TEP1: variants seen among roughly 807,000 people sequenced by gnomAD.
TEP1 encodes telomerase associated protein 1, also known as telomerase protein component 1.
In TEP1, 241 loss-of-function variants were observed where a neutral mutation model predicts 306.3. That is an observed-to-expected ratio of 0.79 (90% CI 0.71 to 0.88). The LOEUF is 0.88. Ranked by LOEUF, TEP1 falls within the 40% of genes least tolerant of loss-of-function variation. The pLI is 0.00. For missense variants in TEP1, 3,051 were observed against 3,276.1 expected, an observed-to-expected ratio of 0.93 and a Z score of 1.68; for synonymous variants, 1,289 against 1,305.5, an observed-to-expected ratio of 0.99 and a Z score of 0.27.
At chr14:20,401,705 T>C (rs1878772375) in intron 7 of TEP1, 124 bp from the exon 8 acceptor site, 1 of 1,427,730 alleles carries the variant, frequency 7.0e-7, no homozygotes, top group East Asian at 2.3e-5. Context: ...CAAAATAGAT[T>C]TGGCCAAGGA....
At chr14:20,409,824 T>C (rs532816091) in intron 1 of TEP1, among the ~76,000 whole-genome samples, 8 of 151,770 alleles carry the variant, frequency 5.3e-5, no homozygotes, top group South Asian at 2.1e-4. Context: ...ATCGAGACCA[T>C]CCTGGCTAAC....
At chr14:20,399,330 G>C (rs938892) in intron 9 of TEP1, among the ~76,000 whole-genome samples, 2 of 151,848 alleles carry the variant, frequency 1.3e-5, no homozygotes, top group African/African-American at 4.8e-5. Flanking sequence ...ATCATTTTCG[G>C]TAAGAAATTA....
rs77515776 is a variant in TEP1 at position 20,390,543 on chromosome 14, G to A, written c.2334+138C>T. Reference sequence around the variant, plus strand: ...ATATTCAGCAGCACACCACTGGGTAGGGGGTTGTAGCCAGTAGAGCTGATC... The same window carrying A: ...ATATTCAGCAGCACACCACTGGGTAAGGGGTTGTAGCCAGTAGAGCTGATC... On this transcript the variant is annotated intron_variant, in intron 15 of 54. Coordinates refer to ENST00000262715, the MANE Select transcript of TEP1 (RefSeq NM_007110.5). The A allele has an allele frequency of 9.9e-4, 761 of 770,622 alleles. 4 individuals are homozygous for A. The African/African-American group carries it at 0.011, about 11-fold the overall frequency. The allele number at this position is 770,622 out of a possible 1,614,324, so 47.7% of individuals were successfully genotyped here. A position where few individuals can be genotyped will look rare whatever the true frequency, so the allele number is the denominator to read the frequency against.
chr14:20,408,909 C>A (rs972647862), intron 1 of TEP1, among the ~76,000 whole-genome samples: 2 of 151,524 alleles, frequency 1.3e-5, no homozygotes, highest in Non-Finnish European at 1.5e-5. Context: ...GGAGACCCAA[C>A]CCCCCTGACC....
At chr14:20,386,739 A>T in intron 18 of TEP1, 116 bp from the exon 19 acceptor site, 1 of 1,198,300 alleles carries the variant, frequency 8.3e-7, no homozygotes, top group East Asian at 3.0e-5. Flanking sequence ...CAGACAGCAG[A>T]TGGGTGCCCA....
In TEP1 at chr14:20,383,914, G is replaced by A. The variant is rs1876851587; in HGVS notation, c.3539C>T (p.Ser1180Phe). 6.3e-7 allele frequency: 1 copy of A among 1,599,408 alleles called. No homozygotes were observed. Among genetic ancestry groups the A allele is most frequent in the Non-Finnish European group, 8.5e-7 (1 of 1,178,436 alleles). Reference sequence around the variant, plus strand: ...AGGAGCCTGCAGGGCTGACACAAGAGATGCCTGCATGGGACAGGAACAGAA... The same window carrying A: ...AGGAGCCTGCAGGGCTGACACAAGAAATGCCTGCATGGGACAGGAACAGAA... ...SGQGKTAFLA[S>F]LVSALQAPDG... The change falls in exon 25 of 55, where the codon TCT becomes TTT. Residue 1180 changes from serine (S) to phenylalanine (F), a missense_variant. By Grantham distance (155) the Ser-to-Phe change is radical. Around this residue, in one of 3 missense-constraint regions of TEP1, gnomAD observed 1,507 missense variants for 1,550.5 expected, o/e 0.97. Transcript: ENST00000262715.
chr14:20,373,062 T>C lies in TEP1; in HGVS notation c.6900A>G (p.Gln2300=), dbSNP rs776756458. The C allele has an allele frequency of 6.2e-7, 1 of 1,614,200 alleles. No individual in the cohort carries two copies. The highest frequency in any genetic ancestry group is 1.1e-5 in the South Asian group (1 of 91,086). The change falls in exon 48 of 55, where the codon CAA becomes CAG. Residue 2300 remains glutamine (Q), a synonymous_variant. Coordinates refer to ENST00000262715, the MANE Select transcript of TEP1 (RefSeq NM_007110.5). The part of the protein sequence containing the change: ...PDGSMAVSGN[Q]AGELILWQEA... ...CCTGCCACAAGATTAGTTCCCCAGC[T>C]TGATTTCCAGATACTGCCATGGAAC...
Position 20,381,628 on chromosome 14 carries a change from G to T in TEP1, c.4483C>A (p.Pro1495Thr), listed in dbSNP as rs755939283. ...PGARLCLPDGPLRTAAKRCYG... is the reference protein window; with the variant it reads ...PGARLCLPDGTLRTAAKRCYG... ...CAACGTTTAGCTGCTGTTCTCAGGG[G>T]CCCATCAGGGAGGCACAGCCGGGCA... The change falls in exon 31 of 55, where the codon CCC (proline) becomes ACC (threonine). Residue 1495 changes from proline (P) to threonine (T), a missense_variant. Physicochemically the swap from Pro to Thr is conservative, Grantham distance 38 (BLOSUM62 -1). This residue lies in a region of TEP1 where 1,540 missense variants were observed against 1,705.9 expected (regional missense o/e 0.90). Coordinates refer to ENST00000262715, the MANE Select transcript of TEP1 (RefSeq NM_007110.5). The surrounding 1 kb of genome is among the most constrained non-coding windows in gnomAD (Gnocchi z 4.0). 6.2e-7 allele frequency: 1 copy of T among 1,613,926 alleles called. No individual in the cohort carries two copies. The highest frequency in any genetic ancestry group is 8.5e-7 in the Non-Finnish European group (1 of 1,179,974).
chr14:20,405,909 G>A (rs1387300105), intron 3 of TEP1, among the ~76,000 whole-genome samples: 1 of 151,708 alleles, frequency 6.6e-6, no homozygotes, highest in Non-Finnish European at 1.5e-5. Flanking sequence ...AGCTACTCAG[G>A]AGGCTGAGGC....
At chr14:20,412,353 C>CTT (rs1879735319) in intron 1 of TEP1, among the ~76,000 whole-genome samples, 2 of 152,092 alleles carry the variant, frequency 1.3e-5, no homozygotes, top group African/African-American at 4.8e-5. Context: ...CTGTCCTATC[C>CTT]TTAAAAGGAC....
chr14:20,407,665 T>C (rs933838560), intron 2 of TEP1, among the ~76,000 whole-genome samples: 15 of 152,192 alleles, frequency 9.9e-5, no homozygotes, highest in African/African-American at 2.7e-4. Flanking sequence ...TTTTGATCTA[T>C]TGCACAATAT....
chr14:20,412,352 C>G (rs757688772), intron 1 of TEP1, among the ~76,000 whole-genome samples: 1 of 152,032 alleles, frequency 6.6e-6, no homozygotes, highest in African/African-American at 2.4e-5. Flanking sequence ...ACTGTCCTAT[C>G]CTTAAAAGGA....
intron 9 of TEP1, among the ~76,000 whole-genome samples, chr14:20,398,506 TAAA>T (rs35081660): frequency 1.1e-4 from 16 of 144,730 alleles, no homozygotes; most frequent in African/African-American, 4.0e-4. Context: ...AAACCAAAAT[TAAA>T]AAAAAAAAAG....
At chr14:20,380,830 C>T in intron 33 of TEP1, 101 bp downstream of exon 33, 2 of 1,000,986 alleles carry the variant, frequency 2.0e-6, no homozygotes, top group East Asian at 2.4e-5. Context: ...ATCTTTTTTC[C>T]CTGACACCCA....
At chr14:20,389,500 G>T in intron 16 of TEP1, 110 bp downstream of exon 16, 1 of 1,536,554 alleles carries the variant, frequency 6.5e-7, no homozygotes, top group East Asian at 2.3e-5. Flanking sequence ...TAAGAAGGCA[G>T]AGTTGGGGAG....
chr14:20,396,630 G>T lies in TEP1; in HGVS notation c.1650C>A (p.Leu550=). 1 of 1,607,944 alleles carries T rather than the reference G, an allele frequency of 6.2e-7. No individual in the cohort carries two copies. Among genetic ancestry groups the T allele is most frequent in the Non-Finnish European group, 8.5e-7 (1 of 1,174,894 alleles). ...AGCCCCTCACACATACCGCATGCTGGAGTCTCTGGAGAATGAGCTCATGGT... is the reference window on the plus strand; with the variant it reads ...AGCCCCTCACACATACCGCATGCTGTAGTCTCTGGAGAATGAGCTCATGGT... ...SRHHELILQR[L]QHAKSVIHSR... is the part of the protein sequence containing the mutation. The change falls in exon 10 of 55, where the codon CTC becomes CTA. Residue 550 remains leucine, a synonymous_variant. Transcript: ENST00000262715.
At chr14:20,368,935 G>A in intron 53 of TEP1, 33 bp from the exon 54 acceptor site, 1 of 1,537,296 alleles carries the variant, frequency 6.5e-7, no homozygotes, top group Non-Finnish European at 8.9e-7. Flanking sequence ...AGAATGGTGA[G>A]TTCTCAGGGG....
Position 20,383,346 on chromosome 14 carries a change from T to G in TEP1, c.3875A>C (p.His1292Pro). 6.2e-7 allele frequency: 1 copy of G among 1,604,652 alleles called. No individual in the cohort carries two copies. Among genetic ancestry groups the G allele is most frequent in the South Asian group, 1.1e-5 (1 of 90,008 alleles). ...ATCACTAGACACACTCAGCACCAGG[T>G]GTACACACTGTGATATTTGGGCAAA... The part of the protein sequence containing the change: ...WIPKKLPRCV[H>P]LVLSVSSDAG... Residue 1292 changes from histidine (H) to proline (P), a missense_variant, in exon 27 of 55, where the codon CAC becomes CCC. By Grantham distance (77) the His-to-Pro change is moderately conservative. This residue lies in a region of TEP1 where 1,540 missense variants were observed against 1,705.9 expected (regional missense o/e 0.90). Coordinates refer to ENST00000262715, the MANE Select transcript of TEP1 (RefSeq NM_007110.5).
chr14:20,378,567 G>A (rs1281957505), intron 37 of TEP1, 32 bp from the exon 38 acceptor site: 1 of 1,613,500 alleles, frequency 6.2e-7, no homozygotes, highest in Non-Finnish European at 8.5e-7. Context: ...TCAGGATGCT[G>A]AAGAGAGATG....
Sources: gnomAD v4.1 joint callset for allele counts (sites outside exome capture counted in the v4.1 genomes callset) on GRCh38, gnomAD v4.1.1 for gene constraint, gnomAD v4.1.1 regional missense constraint, Gnocchi (gnomAD v3.1) non-coding constraint, MANE v1.5 for transcripts, NCBI Gene and HGNC (gene_info 2026-07-23, HGNC 2026-07-21) for gene names.